The following IGDCC4 variants were observed in gnomAD, a reference collection of about 807,000 sequenced individuals.
IGDCC4 encodes the protein immunoglobulin superfamily DCC subclass member 4.
IGDCC4 carries 72 observed loss-of-function variants against 116.6 expected under a neutral mutation model. The observed-to-expected ratio is 0.62, with a 90% CI of 0.51 to 0.75. IGDCC4 has a LOEUF of 0.75. IGDCC4 is among the 30% of genes least tolerant of loss of function. The pLI is 0.00. For synonymous variants in IGDCC4, 709 were observed against 719.9 expected, an observed-to-expected ratio of 0.98 and a Z score of 0.24; for missense variants, 1,501 against 1,662.4, an observed-to-expected ratio of 0.90 and a Z score of 1.69.
rs1282628025 is a variant in IGDCC4, at chr15:65,383,746, A to G, written c.*263T>C. On this transcript the variant is annotated 3_prime_UTR_variant, in exon 20 of 20. Transcript: ENST00000352385. Reference sequence around the variant, plus strand: ...GCCACGGTTTCCCAGCTCAACAACCAGTACGCATACATGCACTTCACACAT... The same window carrying G: ...GCCACGGTTTCCCAGCTCAACAACCGGTACGCATACATGCACTTCACACAT... 3 of 373,666 alleles carry G rather than the reference A, an allele frequency of 8.0e-6. No individual in the cohort carries two copies. Among genetic ancestry groups the G allele is most frequent in the East Asian group, 4.1e-5 (1 of 24,388 alleles). 23.1% of individuals were successfully genotyped at this position (373,666 alleles called of 1,614,324 possible). A position where few individuals can be genotyped will look rare whatever the true frequency, so the allele number is the denominator to read the frequency against.
At chr15:65,402,547 T>C in intron 3 of IGDCC4, 60 bp from the exon 4 acceptor site, 1 of 1,536,488 alleles carries the variant, frequency 6.5e-7, no homozygotes, top group Non-Finnish European at 8.8e-7. Context: ...GGAGGGTGGC[T>C]CATGGTAAGA....
intron 18 of IGDCC4, 38 bp from the exon 19 acceptor site, chr15:65,385,153 C>G (rs75789904): frequency 1.0e-5 from 16 of 1,527,326 alleles, no homozygotes; most frequent in Non-Finnish European, 1.3e-5. Context: ...AGGGGCACGA[C>G]CAGGATTGGC....
At chr15:65,414,903 A>G (rs2063129077) in intron 1 of IGDCC4, among the ~76,000 whole-genome samples, 1 of 152,230 alleles carries the variant, frequency 6.6e-6, no homozygotes, top group South Asian at 2.1e-4. Context: ...TGGCTCTGGA[A>G]GATCACGCCT....
chr15:65,406,350 A>G (rs1341511763), intron 3 of IGDCC4, among the ~76,000 whole-genome samples: 1 of 152,244 alleles, frequency 6.6e-6, no homozygotes, highest in Non-Finnish European at 1.5e-5. Context: ...GTATGGTCAC[A>G]ATTATGAAGG....
At chr15:65,396,752 C>A (rs1020417901) in intron 6 of IGDCC4, 82 bp downstream of exon 6, 3 of 1,499,820 alleles carry the variant, frequency 2.0e-6, no homozygotes, top group Admixed American at 4.1e-5. Flanking sequence ...GTGCCCCCAG[C>A]ACACCCACCC....
intron 6 of IGDCC4, 194 bp from the exon 7 acceptor site, chr15:65,396,357 AG>A: frequency 1.4e-6 from 1 of 697,182 alleles, no homozygotes; most frequent in Non-Finnish European, 2.6e-6. Flanking sequence ...CATTTACCCC[AG>A]CCCCACAACG....
chr15:65,400,557 G>T (rs1281641606), intron 5 of IGDCC4, among the ~76,000 whole-genome samples: 1 of 152,158 alleles, frequency 6.6e-6, no homozygotes, highest in South Asian at 2.1e-4. Context: ...TGCAATAACC[G>T]TTCTGTAAGT....
In IGDCC4 at chr15:65,390,268, G is replaced by A; in HGVS notation, c.2295C>T (p.Ser765=). ...CTGGCTTTTTCCACCGAAGCCAGAT[G>A]GATGTGGAGCTGTTTGATTCCGCAT... ...HVHAESNSST[S]IWLRWKKPDF... Residue 765 remains serine (S), a synonymous_variant, in exon 13 of 20, where the codon TCC becomes TCT. Coordinates refer to ENST00000352385, the MANE Select transcript of IGDCC4 (RefSeq NM_020962.3). 1 of 1,613,608 alleles carries A rather than the reference G, an allele frequency of 6.2e-7. No individual in the cohort carries two copies.
Position 65,421,423 on chromosome 15 carries a change from T to C in IGDCC4, c.70+1370A>G, listed in dbSNP as rs2063189195. Among the ~76,000 whole-genome samples, 3 of 152,258 alleles carry C rather than the reference T, an allele frequency of 2.0e-5. No individual in the cohort carries two copies. The South Asian group carries it at 6.2e-4, about 32-fold the overall frequency. On this transcript the variant is annotated intron_variant, in intron 1 of 19. Transcript: ENST00000352385. Reference sequence around the variant, plus strand: ...CTGACAAGCCAGGGCCTCCAGCTCCTCTGGCCCAGCAGCCGAGACCCAGCC... The same window carrying C: ...CTGACAAGCCAGGGCCTCCAGCTCCCCTGGCCCAGCAGCCGAGACCCAGCC...
chr15:65,395,922 CA>C lies in IGDCC4; in HGVS notation c.1238del (p.Met413ArgfsTer28). Reference sequence around the variant, plus strand: ...CGGCCAGCGACGCGGCAGCGCACGCCATTCCCGCGCTGTTCTCAGCCACGCA... The same window carrying C: ...CGGCCAGCGACGCGGCAGCGCACGCCTTCCCGCGCTGTTCTCAGCCACGCA... ...YQCVAENSAG[M>X]ACAAASLAVV... On this transcript the variant is annotated frameshift_variant, in exon 7 of 20. Coordinates refer to ENST00000352385, the MANE Select transcript of IGDCC4 (RefSeq NM_020962.3). LOFTEE classifies it high-confidence loss of function. The C allele has an allele frequency of 6.3e-7, 1 of 1,591,754 alleles. No individual in the cohort carries two copies. The highest frequency in any genetic ancestry group is 1.1e-5 in the South Asian group (1 of 89,512).
intron 9 of IGDCC4, among the ~76,000 whole-genome samples, chr15:65,394,009 AT>A (rs1427463223): frequency 6.6e-6 from 1 of 150,670 alleles, no homozygotes; most frequent in Non-Finnish European, 1.5e-5. Flanking sequence ...TTATCCTTTT[AT>A]TTTTTTCTGA....
Position 65,391,896 on chromosome 15 carries a change from C to T in IGDCC4, c.2208G>A (p.Glu736=). 1 of 1,613,884 alleles carries T rather than the reference C, an allele frequency of 6.2e-7. No individual in the cohort carries two copies. Residue 736 remains glutamate (E), a synonymous_variant, in exon 12 of 20, where the codon GAG becomes GAA. Coordinates refer to ENST00000352385, the MANE Select transcript of IGDCC4 (RefSeq NM_020962.3). ...CGCCCTCACCTGGTGCCGGCGCCTT[C>T]TCCGTCTTGCCCTTCCACACTGCTG... The part of the protein sequence containing the change: ...GYAAVWKGKT[E]KAPAPDMPIQ...
intron 18 of IGDCC4, 53 bp from the exon 19 acceptor site, chr15:65,385,168 AGAGGGAAGCCCGGGG>A: frequency 6.6e-7 from 1 of 1,506,296 alleles, no homozygotes; most frequent in South Asian, 1.2e-5. Context: ...ATTGGCTGGG[AGAGGGAAGCCCGGGG>A]GAGGGAATTG....
At chr15:65,416,287 G>A (rs904155398) in intron 1 of IGDCC4, among the ~76,000 whole-genome samples, 54 of 151,722 alleles carry the variant, frequency 3.6e-4, no homozygotes, top group African/African-American at 1.2e-3. Context: ...GCAGGCGCCC[G>A]CCACCATACC....
intron 1 of IGDCC4, among the ~76,000 whole-genome samples, chr15:65,414,422 C>G (rs2063124945): frequency 6.6e-6 from 1 of 152,212 alleles, no homozygotes; most frequent in East Asian, 1.9e-4. Context: ...TACTGCGGGC[C>G]ACGTGCTGTG....
rs181036857 is a variant in IGDCC4, at chr15:65,414,853, G to A, written c.71-3483C>T. On this transcript the variant is annotated intron_variant, in intron 1 of 19. Transcript: ENST00000352385. The stretch of plus-strand genomic sequence containing the variant: ...GACAGGGTTTCACCATTTTGGCCAG[G>A]CTGGTCTTGAACTGCTGACCTCAAG... Among the ~76,000 whole-genome samples the A allele has an allele frequency of 2.6e-4, 40 of 152,314 alleles. No individual in the cohort carries two copies. The South Asian group carries it at 3.5e-3, about 13-fold the overall frequency.
rs1213073508 is a variant in IGDCC4 at position 65,394,493 on chromosome 15, C to T, written c.1632G>A (p.Arg544=). 1 of 1,613,614 alleles carries T rather than the reference C, an allele frequency of 6.2e-7. No individual in the cohort carries two copies. Among genetic ancestry groups the T allele is most frequent in the South Asian group, 1.1e-5 (1 of 91,054 alleles). ...SLSSPNPSDI[R]VAWLPLPPSL... is the part of the protein sequence containing the mutation. ...TGGGGGGCAGGGGCAGCCACGCCAC[C>T]CTGATGTCCGAAGGGTTGGGGCTGG... The change falls in exon 9 of 20, where the codon AGG becomes AGA. Residue 544 remains arginine, a synonymous_variant. Coordinates refer to ENST00000352385, the MANE Select transcript of IGDCC4 (RefSeq NM_020962.3).
chr15:65,392,821 A>C (rs1294119116), intron 10 of IGDCC4, among the ~76,000 whole-genome samples: 1 of 152,208 alleles, frequency 6.6e-6, no homozygotes, highest in Admixed American at 6.5e-5. Context: ...ACAATGTGTC[A>C]AACACTGTCC....
Position 65,383,817 on chromosome 15 carries a change from CAT to C in IGDCC4, c.*190_*191del. On this transcript the variant is annotated 3_prime_UTR_variant, in exon 20 of 20. Coordinates refer to ENST00000352385, the MANE Select transcript of IGDCC4 (RefSeq NM_020962.3). ...TGTCTCGTATGTCTTTCACATGTCA[CAT>C]GTGTATCACAAAGAGTATGGGGGGA... The C allele has an allele frequency of 2.0e-6, 1 of 512,490 alleles. No individual in the cohort carries two copies. The highest frequency in any genetic ancestry group is 3.4e-6 in the Non-Finnish European group (1 of 291,776). The allele number at this position is 512,490 out of a possible 1,614,324, so 31.7% of individuals were successfully genotyped here.
Sources: allele counts gnomAD v4.1 joint callset (sites outside exome capture counted in the v4.1 genomes callset), GRCh38; gene constraint gnomAD v4.1.1; transcripts MANE v1.5; gene names NCBI Gene and HGNC (gene_info 2026-07-23, HGNC 2026-07-21).